AFF2: variants seen among roughly 807,000 people sequenced by gnomAD.
AFF2 encodes the protein ALF transcription elongation factor 2.
Under a neutral mutation model 76.9 loss-of-function variants are expected in AFF2, and 14 were observed. The observed-to-expected ratio is 0.18, with a 90% confidence interval of 0.12 to 0.28. The LOEUF is 0.28. AFF2 is among the 10% of genes least tolerant of loss of function. The pLI is 1.00. For missense variants in AFF2, 868 were observed against 1,001.1 expected, an observed-to-expected ratio of 0.87 and a Z score of 1.79; for synonymous variants, 398 against 366.7, an observed-to-expected ratio of 1.09 and a Z score of -0.98.
chrX:148,948,883 A>G (rs2072033147), intron 9 of AFF2, among the ~76,000 whole-genome samples: 1 of 111,374 alleles, frequency 9.0e-6, no homozygotes, highest in Non-Finnish European at 1.9e-5. Flanking sequence ...GCCACTGGCT[A>G]TCTGCTCACC....
At position 148,694,971 on chromosome X, in the gene AFF2, A is replaced by G. The variant is rs1026499462; in HGVS notation, c.1041+32203A>G. On this transcript the variant is annotated intron_variant, in intron 3 of 20. Coordinates refer to ENST00000370460, the MANE Select transcript of AFF2 (RefSeq NM_002025.4). Reference sequence around the variant, plus strand: ...GTGGGGATTACAGGCGCCCGCCACCATGCTCGGCTAATTTTTTTGTCTTTA... The same window carrying G: ...GTGGGGATTACAGGCGCCCGCCACCGTGCTCGGCTAATTTTTTTGTCTTTA... Among the ~76,000 whole-genome samples the G allele has an allele frequency of 3.7e-4, 40 of 108,906 alleles. No individual in the cohort carries two copies. In the Admixed American group the frequency reaches 3.9e-3, roughly 11 times the overall value. 94.6% of individuals were successfully genotyped at this position (108,906 alleles called of 115,157 possible). A position where few individuals can be genotyped will look rare whatever the true frequency, so the allele number is the denominator to read the frequency against.
intron 3 of AFF2, among the ~76,000 whole-genome samples, chrX:148,699,676 A>G (rs2054762531): frequency 1.8e-5 from 2 of 111,484 alleles, no homozygotes; most frequent in Admixed American, 9.6e-5. Flanking sequence ...AATTTAGCTC[A>G]GTTAAAGCCA....
intron 3 of AFF2, among the ~76,000 whole-genome samples, chrX:148,701,012 ATGTG>A (rs10675200): frequency 8.8e-4 from 65 of 73,716 alleles, no homozygotes; most frequent in East Asian, 5.6e-3. Flanking sequence ...GAGAGAGAGA[ATGTG>A]TGTGTGTGTG....
intron 3 of AFF2, among the ~76,000 whole-genome samples, chrX:148,682,795 T>C (rs1557260048): frequency 8.9e-6 from 1 of 112,325 alleles, no homozygotes; most frequent in African/African-American, 3.2e-5. Flanking sequence ...ATATTAAAAA[T>C]GTTCCTAACT....
intron 3 of AFF2, among the ~76,000 whole-genome samples, chrX:148,806,407 G>A (rs2070134161): frequency 1.8e-5 from 2 of 111,917 alleles, no homozygotes; most frequent in African/African-American, 6.5e-5. Flanking sequence ...GAGGACTACG[G>A]TGGGGACCTC....
At chrX:148,901,470 T>C (rs1282883622) in intron 8 of AFF2, among the ~76,000 whole-genome samples, 1 of 112,121 alleles carries the variant, frequency 8.9e-6, no homozygotes, top group Non-Finnish European at 1.9e-5. Context: ...ATTACTTTAA[T>C]GTATGTTTTT....
intron 3 of AFF2, among the ~76,000 whole-genome samples, chrX:148,684,601 G>A (rs1284556058): frequency 8.9e-6 from 1 of 112,027 alleles, no homozygotes; most frequent in Non-Finnish European, 1.9e-5. Flanking sequence ...GCTCAAAATA[G>A]CACTTAGGCA....
chrX:148,979,347 C>T (rs2072365108), intron 18 of AFF2, among the ~76,000 whole-genome samples: 1 of 112,054 alleles, frequency 8.9e-6, no homozygotes. Flanking sequence ...AGCATGTTTC[C>T]CAGCTATTAT....
At chrX:148,661,705 C>T (rs1330597205) in intron 2 of AFF2, among the ~76,000 whole-genome samples, 2 of 111,929 alleles carry the variant, frequency 1.8e-5, no homozygotes, top group Non-Finnish European at 3.8e-5. Flanking sequence ...ATCATACCCG[C>T]TCATTCCAGA....
At chrX:148,547,925 G>A (rs1557238372) in intron 1 of AFF2, among the ~76,000 whole-genome samples, 1 of 111,494 alleles carries the variant, frequency 9.0e-6, no homozygotes, top group African/African-American at 3.3e-5. Context: ...CCAAGAAGAG[G>A]GTCACTTTTT....
At chrX:148,643,170 T>G (rs782376542) in intron 1 of AFF2, among the ~76,000 whole-genome samples, 33 of 112,119 alleles carry the variant, frequency 2.9e-4, no homozygotes, top group Non-Finnish European at 4.9e-4. Context: ...TACCTCTGAT[T>G]GGCAATGGGG....
intron 3 of AFF2, among the ~76,000 whole-genome samples, chrX:148,750,054 G>A (rs985245314): frequency 2.7e-5 from 3 of 109,292 alleles, no homozygotes; most frequent in East Asian, 2.9e-4. Flanking sequence ...TGCAACCTCC[G>A]TTCCCCGGGT....
intron 15 of AFF2, among the ~76,000 whole-genome samples, chrX:148,971,747 C>CTTTTTTTTTTTTTTTTTTTTA (rs2072257643): frequency 1.1e-3 from 47 of 44,701 alleles, no homozygotes; most frequent in Non-Finnish European, 1.3e-3. Context: ...TTTTCTATTT[C>CTTTTTTTTTTTTTTTTTTTTA]TTTTTTTTTT....
At chrX:148,904,934 A>G (rs200844534) in intron 9 of AFF2, among the ~76,000 whole-genome samples, 1 of 112,109 alleles carries the variant, frequency 8.9e-6, no homozygotes, top group Non-Finnish European at 1.9e-5. Context: ...ATCTGATTGC[A>G]GTGTTACAAT....
At position 148,996,727 on chromosome X, in the gene AFF2, A is replaced by G. The variant is rs1459284914; in HGVS notation, c.*5395A>G. 1 of 112,240 alleles carries G rather than the reference A, an allele frequency of 8.9e-6. No homozygotes were observed. The highest frequency in any genetic ancestry group is 1.9e-5 in the Non-Finnish European group (1 of 53,259). 9.2% of individuals were successfully genotyped at this position (112,240 alleles called of 1,213,427 possible). A position where few individuals can be genotyped will look rare whatever the true frequency, so the allele number is the denominator to read the frequency against. On this transcript the variant is annotated 3_prime_UTR_variant, in exon 21 of 21. Coordinates refer to ENST00000370460, the MANE Select transcript of AFF2 (RefSeq NM_002025.4). ...TTAAGCAGGAGAATAGCTGAGAAGA[A>G]TGAAGCCCTCCTGAGCTGAAAGGAG...
intron 10 of AFF2, among the ~76,000 whole-genome samples, chrX:148,954,506 G>A (rs2072008976): frequency 8.9e-6 from 1 of 112,078 alleles, no homozygotes; most frequent in Non-Finnish European, 1.9e-5. Context: ...CATGGACCAT[G>A]CATGTGCCAG....
intron 9 of AFF2, among the ~76,000 whole-genome samples, chrX:148,935,167 T>C (rs2071759072): frequency 1.8e-5 from 2 of 110,408 alleles, no homozygotes; most frequent in Admixed American, 9.8e-5. Flanking sequence ...TTTACATATA[T>C]ATATATACAC....
At chrX:148,983,305 T>C (rs2072417906) in intron 19 of AFF2, among the ~76,000 whole-genome samples, 2 of 112,103 alleles carry the variant, frequency 1.8e-5, no homozygotes, top group Non-Finnish European at 3.8e-5. Context: ...AGAATGGGCT[T>C]TGGAGGAAAA....
chrX:148,614,734 C>CT (rs1569552164), intron 1 of AFF2, among the ~76,000 whole-genome samples: 589 of 41,208 alleles, frequency 0.014, 3 homozygotes, highest in Non-Finnish European at 0.016. Context: ...TCTTTCTTTC[C>CT]TTCTTTTCTT....
Sources: gnomAD v4.1 joint callset for allele counts (sites outside exome capture counted in the v4.1 genomes callset) on GRCh38, gnomAD v4.1.1 for gene constraint, MANE v1.5 for transcripts, NCBI Gene and HGNC (gene_info 2026-07-23, HGNC 2026-07-21) for gene names.